SMARCA2: variants seen among roughly 807,000 people sequenced by gnomAD.
SMARCA2 encodes the protein SWI/SNF-related matrix-associated actin-dependent regulator of chromatin subfamily A member 2.
A neutral mutation model predicts 199.8 loss-of-function variants in SMARCA2; 61 were observed. The observed-to-expected ratio is 0.31, with a 90% CI of 0.25 to 0.38. The LOEUF is 0.38. Among genes scored for constraint, SMARCA2 ranks in the 10% least tolerant of loss-of-function variants. SMARCA2 has a pLI of 1.00. For synonymous variants in SMARCA2, 935 were observed against 732.0 expected (o/e 1.28, Z -4.48); for missense variants, 1,344 against 2,012.2 (o/e 0.67, Z 6.35).
intron 1 of SMARCA2, among the ~76,000 whole-genome samples, chr9:2,024,232 G>A (rs190077351): frequency 2.7e-3 from 413 of 152,242 alleles, no homozygotes; most frequent in South Asian, 0.016. Context: ...TTGCTGAAAT[G>A]CTACCTTCTC....
intron 17 of SMARCA2, among the ~76,000 whole-genome samples, chr9:2,084,487 T>C (rs565485609): frequency 4.2e-4 from 64 of 151,266 alleles, no homozygotes; most frequent in African/African-American, 1.4e-3. Context: ...CTTAAAAAAA[T>C]TCACCTGGTT....
intron 27 of SMARCA2, chr9:2,158,607 A>G (rs145880206): frequency 6.0e-4 from 130 of 218,306 alleles, no homozygotes; most frequent in African/African-American, 2.7e-3. Context: ...TTGGAAGGGA[A>G]TTCTTTTTGG....
At chr9:2,162,743 T>C (rs549459763) in intron 28 of SMARCA2, 10 of 152,202 alleles carry the variant, frequency 6.6e-5, no homozygotes, top group Non-Finnish European at 1.2e-4. Flanking sequence ...AAATTACCAA[T>C]TGAAAAAAAT....
In SMARCA2 at chr9:2,119,416, C is replaced by A; in HGVS notation, c.3685-42C>A. On this transcript the variant is annotated intron_variant, in intron 25 of 33. Coordinates refer to ENST00000349721, the MANE Select transcript of SMARCA2 (RefSeq NM_003070.5). This position sits in a 1 kb window ranked among gnomAD's most constrained non-coding sequence, Gnocchi z 4.6. Reference sequence around the variant, plus strand: ...ATCACTTACTTGTTTGTACCTTGCCCCAGCTGTCCACTGGTTAAAATCACT... The same window carrying A: ...ATCACTTACTTGTTTGTACCTTGCCACAGCTGTCCACTGGTTAAAATCACT... The A allele has an allele frequency of 7.4e-7, 1 of 1,356,284 alleles. No homozygotes were observed. Among genetic ancestry groups the A allele is most frequent in the East Asian group, 2.3e-5 (1 of 43,624 alleles). The allele number at this position is 1,356,284 out of a possible 1,614,324, so 84.0% of individuals were successfully genotyped here.
chr9:2,172,404 GT>G (rs1826299539), intron 29 of SMARCA2, among the ~76,000 whole-genome samples: 1 of 151,132 alleles, frequency 6.6e-6, no homozygotes, highest in Admixed American at 6.6e-5. Context: ...CAGAGTGGGA[GT>G]TTCTCAAACA....
chr9:2,063,147 C>T (rs1206250108), intron 9 of SMARCA2, among the ~76,000 whole-genome samples: 1 of 152,150 alleles, frequency 6.6e-6, no homozygotes, highest in African/African-American at 2.4e-5. Context: ...GCTCTATTTC[C>T]TTCCAGGGTA....
chr9:2,074,836 G>C (rs936653842), intron 12 of SMARCA2, among the ~76,000 whole-genome samples: 1 of 152,234 alleles, frequency 6.6e-6, no homozygotes, highest in South Asian at 2.1e-4. Flanking sequence ...CTGCACTCCA[G>C]CCTGGGTGAC....
At chr9:2,071,711 T>C (rs1400679872) in intron 10 of SMARCA2, among the ~76,000 whole-genome samples, 1 of 152,266 alleles carries the variant, frequency 6.6e-6, no homozygotes, top group Non-Finnish European at 1.5e-5. Context: ...TCTAATTCCA[T>C]CTACAGTGAT....
intron 9 of SMARCA2, 75 bp from the exon 10 acceptor site, chr9:2,070,343 T>C: frequency 8.7e-7 from 1 of 1,148,368 alleles, no homozygotes; most frequent in Non-Finnish European, 1.3e-6. Flanking sequence ...TCCTATTACA[T>C]ACCGGAGAGT....
At chr9:2,187,382 T>G (rs1393889601) in intron 32 of SMARCA2, among the ~76,000 whole-genome samples, 1 of 152,104 alleles carries the variant, frequency 6.6e-6, no homozygotes, top group African/African-American at 2.4e-5. Flanking sequence ...AGTTGAAAAT[T>G]TCTTCTTAGT....
chr9:2,110,524 G>C lies in SMARCA2; in HGVS notation c.3456+107G>C. Reference sequence around the variant, plus strand: ...GGACAGAGCAAATATCTAAACGAGTGGGCTGTTGCTTTCTTGGAGCCAATT... The same window carrying C: ...GGACAGAGCAAATATCTAAACGAGTCGGCTGTTGCTTTCTTGGAGCCAATT... On this transcript the variant is annotated intron_variant, in intron 24 of 33. Coordinates refer to ENST00000349721, the MANE Select transcript of SMARCA2 (RefSeq NM_003070.5). The surrounding 1 kb of genome is among the most constrained non-coding windows in gnomAD (Gnocchi z 4.8). The C allele has an allele frequency of 1.2e-6, 1 of 867,040 alleles. No individual in the cohort carries two copies. Among genetic ancestry groups the C allele is most frequent in the Non-Finnish European group, 1.7e-6 (1 of 605,428 alleles). 53.7% of individuals were successfully genotyped at this position (867,040 alleles called of 1,614,324 possible). A position where few individuals can be genotyped will look rare whatever the true frequency, so the allele number is the denominator to read the frequency against.
chr9:2,175,572 T>C (rs553944737), intron 29 of SMARCA2, among the ~76,000 whole-genome samples: 2 of 152,300 alleles, frequency 1.3e-5, no homozygotes, highest in South Asian at 4.1e-4. Flanking sequence ...TAAAGGTTGG[T>C]CCTATGATCC....
intron 24 of SMARCA2, among the ~76,000 whole-genome samples, chr9:2,112,180 A>G (rs1823036184): frequency 6.6e-6 from 1 of 152,126 alleles, no homozygotes; most frequent in Non-Finnish European, 1.5e-5. Context: ...TAGGCTGGGT[A>G]TCTAAGGGGG....
chr9:2,150,820 C>T (rs1451517920), intron 27 of SMARCA2, among the ~76,000 whole-genome samples: 1 of 151,562 alleles, frequency 6.6e-6, no homozygotes, highest in African/African-American at 2.4e-5. Flanking sequence ...TCTGAGACTT[C>T]TCCCCTTGGC....
chr9:2,174,641 C>CA (rs1826434928), intron 29 of SMARCA2, among the ~76,000 whole-genome samples: 1 of 152,048 alleles, frequency 6.6e-6, no homozygotes, highest in South Asian at 2.1e-4. Context: ...AAGCAAAGGC[C>CA]AGGCACAGTG....
At position 2,084,936 on chromosome 9, in the gene SMARCA2, A is replaced by G. The variant is rs370593552; in HGVS notation, c.2526+740A>G. On this transcript the variant is annotated intron_variant, in intron 17 of 33. Coordinates refer to ENST00000349721, the MANE Select transcript of SMARCA2 (RefSeq NM_003070.5). ...AGTGCTCTCTTTCGTGGAACAAATAATGAAAACTCTTTTTTTTCCTCTTTA... is the reference window on the plus strand; with the variant it reads ...AGTGCTCTCTTTCGTGGAACAAATAGTGAAAACTCTTTTTTTTCCTCTTTA... Among the ~76,000 whole-genome samples, 7 of 152,340 alleles carry G rather than the reference A, an allele frequency of 4.6e-5. No individual in the cohort carries two copies. In the East Asian group the frequency reaches 9.6e-4, roughly 21 times the overall value.
At position 2,161,440 on chromosome 9, in the gene SMARCA2, G is replaced by T. The variant is rs1211086124; in HGVS notation, c.3982-246G>T. On this transcript the variant is annotated intron_variant, in intron 27 of 33. Coordinates refer to ENST00000349721, the MANE Select transcript of SMARCA2 (RefSeq NM_003070.5). The surrounding 1 kb of genome is among the most constrained non-coding windows in gnomAD (Gnocchi z 4.7). The stretch of plus-strand genomic sequence containing the variant: ...AATATTTGTCATATTCTCCTTTACT[G>T]TGAGTGTTTTGGGCCTTCAGTGTGT... Among the ~76,000 whole-genome samples the T allele has an allele frequency of 6.6e-6, 1 of 152,134 alleles. No individual in the cohort carries two copies. The highest frequency in any genetic ancestry group is 6.6e-5 in the Admixed American group (1 of 15,262).
intron 4 of SMARCA2, among the ~76,000 whole-genome samples, chr9:2,046,866 TA>T (rs1311591353): frequency 6.6e-6 from 1 of 152,218 alleles, no homozygotes; most frequent in East Asian, 1.9e-4. Context: ...AGAGCTACAT[TA>T]AAAGCTGGCA....
At chr9:2,047,125 CTTAATGGTCCCCAGCA>C (rs1819888558) in intron 4 of SMARCA2, 88 bp from the exon 5 acceptor site, 1 of 846,582 alleles carries the variant, frequency 1.2e-6, no homozygotes. Flanking sequence ...GTTTAAGACA[CTTAATGGTCCCCAGCA>C]CTGGGCCCCG....
Sources: gnomAD v4.1 joint callset for allele counts (sites outside exome capture counted in the v4.1 genomes callset) on GRCh38, gnomAD v4.1.1 for gene constraint, Gnocchi (gnomAD v3.1) non-coding constraint, MANE v1.5 for transcripts, NCBI Gene and HGNC (gene_info 2026-07-23, HGNC 2026-07-21) for gene names.